The following ZNF469 variants were observed in gnomAD, a reference collection of about 807,000 sequenced individuals.
The protein encoded by ZNF469 is zinc finger protein 469.
A neutral mutation model predicts 1.0 loss-of-function variants in ZNF469; 1 was observed. That is an observed-to-expected ratio of 1.00 (90% CI 0.35 to 4.73). The LOEUF is 4.73. ZNF469 is among the 30% of genes most tolerant of loss of function. ZNF469 has a pLI of 0.16. For synonymous variants in ZNF469, 2,703 were observed against 2,363.4 expected, an observed-to-expected ratio of 1.14 and a Z score of -4.17; for missense variants, 6,100 against 5,356.3, an observed-to-expected ratio of 1.14 and a Z score of -4.33.
In ZNF469 at chr16:88,424,898, A is replaced by G. The variant is rs1402293142; in HGVS notation, c.-127+27A>G. Among the ~76,000 whole-genome samples the G allele has an allele frequency of 1.4e-4, 21 of 152,080 alleles. No homozygotes were observed. The highest frequency in any genetic ancestry group is 3.1e-4 in the Non-Finnish European group (21 of 67,994). Reference sequence around the variant, plus strand: ...TATGTACAGGCAGCAGCCTGCACCGAGGCTGGCCACAGATGCTCTGGTCTT... The same window carrying G: ...TATGTACAGGCAGCAGCCTGCACCGGGGCTGGCCACAGATGCTCTGGTCTT... On this transcript the variant is annotated intron_variant, in intron 2 of 2. Coordinates refer to ENST00000565624, the MANE Select transcript of ZNF469 (RefSeq NM_001367624.2). The surrounding 1 kb of genome is among the most constrained non-coding windows in gnomAD (Gnocchi z 4.3).
chr16:88,185,436 A>C, the ZNF469 span, among the ~76,000 whole-genome samples: 1 of 152,052 alleles, frequency 6.6e-6, no homozygotes, highest in African/African-American at 2.4e-5. Flanking sequence ...ATAGAAACAC[A>C]TGCATACACA....
rs754381335 is a variant in ZNF469 at position 88,439,102 on chromosome 16, C to T, written c.11632C>T (p.Arg3878Trp). ...ACCCAGGCCGCCACCATCAGAGCAGCGGAAGGCAGAGCCGGGCCACACACA... is the reference window on the plus strand; with the variant it reads ...ACCCAGGCCGCCACCATCAGAGCAGTGGAAGGCAGAGCCGGGCCACACACA... ...NKPRPPPSEQ[R>W]KAEPGHTQRK... Residue 3878 changes from arginine to tryptophan, a missense_variant, in exon 3 of 3, where the codon CGG becomes TGG. Physicochemically the swap from Arg to Trp is moderately radical, Grantham distance 101. Coordinates refer to ENST00000565624, the MANE Select transcript of ZNF469 (RefSeq NM_001367624.2). The T allele has an allele frequency of 1.7e-5, 27 of 1,550,834 alleles. No individual in the cohort carries two copies. The highest frequency in any genetic ancestry group is 2.4e-5 in the South Asian group (2 of 84,062).
the ZNF469 span, among the ~76,000 whole-genome samples, chr16:88,185,528 C>G: frequency 1.3e-5 from 2 of 149,570 alleles, no homozygotes; most frequent in Non-Finnish European, 3.0e-5. Context: ...TACATGTGAC[C>G]AGACCCACAC....
chr16:88,185,788 G>A, the ZNF469 span, among the ~76,000 whole-genome samples: 2 of 136,316 alleles, frequency 1.5e-5, no homozygotes, highest in African/African-American at 2.9e-5. Context: ...TCACACATGT[G>A]AATATAGTAC....
chr16:88,404,257 C>T (rs1202468651), intron 1 of ZNF469, among the ~76,000 whole-genome samples: 1 of 152,228 alleles, frequency 6.6e-6, no homozygotes, highest in South Asian at 2.1e-4. Flanking sequence ...CATGCTTATT[C>T]TTGCTGTGCT....
At chr16:88,368,603 G>A in the ZNF469 span, among the ~76,000 whole-genome samples, 13 of 151,940 alleles carry the variant, frequency 8.6e-5, no homozygotes, top group Admixed American at 5.9e-4. Context: ...AGAAAGAGTC[G>A]CCTGGGAGAA....
chr16:88,369,734 T>C, the ZNF469 span, among the ~76,000 whole-genome samples: 1 of 152,150 alleles, frequency 6.6e-6, no homozygotes, highest in African/African-American at 2.4e-5. Flanking sequence ...CAGAGCTAGA[T>C]GGAGAGGAGC....
Position 88,436,626 on chromosome 16 carries a change from G to C in ZNF469, c.9156G>C (p.Lys3052Asn), listed in dbSNP as rs900811705. Residue 3052 changes from lysine to asparagine, a missense_variant, in exon 3 of 3, where the codon AAG (lysine) becomes AAC (asparagine). Transcript: ENST00000565624. ...RATDFEVLST[K>N]FEMQDLCFLG... is the part of the protein sequence containing the mutation. ...CGGACTTTGAGGTGCTCAGCACCAA[G>C]TTTGAGATGCAAGACCTGTGCTTTC... 6.4e-7 allele frequency: 1 copy of C among 1,550,396 alleles called. No homozygotes were observed. The highest frequency in any genetic ancestry group is 1.2e-5 in the South Asian group (1 of 84,068).
chr16:88,166,662 C>G, the ZNF469 span, among the ~76,000 whole-genome samples: 1 of 151,998 alleles, frequency 6.6e-6, no homozygotes, highest in African/African-American at 2.4e-5. The surrounding 1 kb of genome is among the most constrained non-coding windows in gnomAD (Gnocchi z 4.5). Flanking sequence ...GCATTGGAAA[C>G]CGCCCATCGA....
chr16:88,321,005 C>T, the ZNF469 span, among the ~76,000 whole-genome samples: 3 of 152,248 alleles, frequency 2.0e-5, no homozygotes, highest in Non-Finnish European at 2.9e-5. Flanking sequence ...ACCGTGGCTG[C>T]CATCCGAGGC....
chr16:88,204,535 G>A, the ZNF469 span, among the ~76,000 whole-genome samples: 1 of 152,262 alleles, frequency 6.6e-6, no homozygotes, highest in Non-Finnish European at 1.5e-5. Flanking sequence ...GCAGGTAGAG[G>A]AGAGAAAAGA....
chr16:88,430,109 G>C lies in ZNF469; in HGVS notation c.2639G>C (p.Ser880Thr), dbSNP rs1906031362. The C allele has an allele frequency of 1.2e-5, 18 of 1,542,288 alleles. No homozygotes were observed. Among genetic ancestry groups the C allele is most frequent in the Non-Finnish European group, 1.5e-5 (17 of 1,146,920 alleles). ...DEEPSGPRGP[S>T]SGHPLKSKAG... Reference sequence around the variant, plus strand: ...GAGCCTTCCGGCCCCAGAGGTCCCAGCTCCGGACACCCCCTTAAGAGCAAG... The same window carrying C: ...GAGCCTTCCGGCCCCAGAGGTCCCACCTCCGGACACCCCCTTAAGAGCAAG... Residue 880 changes from serine (S) to threonine (T), a missense_variant, in exon 3 of 3, where the codon AGC becomes ACC. Transcript: ENST00000565624.
chr16:88,239,695 ATATATATATATATATATATATTTTT>A, the ZNF469 span, among the ~76,000 whole-genome samples: 61 of 5,722 alleles, frequency 0.011, 6 homozygotes, highest in Non-Finnish European at 0.013. Context: ...ATATATATAT[ATATATATATATATATATATATTTTT>A]TTTTTTTTTT....
At chr16:88,200,898 C>T in the ZNF469 span, among the ~76,000 whole-genome samples, 5 of 152,370 alleles carry the variant, frequency 3.3e-5, no homozygotes, top group East Asian at 1.9e-4. Flanking sequence ...CCCGGCTGCT[C>T]CCGCCACAGG....
At chr16:88,225,908 C>T in the ZNF469 span, among the ~76,000 whole-genome samples, 1,310 of 152,284 alleles carry the variant, frequency 8.6e-3, 25 homozygotes, top group African/African-American at 0.029. Flanking sequence ...ACTAAGACAG[C>T]CTCCCTGACA....
chr16:88,243,053 C>T, the ZNF469 span, among the ~76,000 whole-genome samples: 1 of 152,172 alleles, frequency 6.6e-6, no homozygotes, highest in Non-Finnish European at 1.5e-5. Flanking sequence ...CTGGCCAGCC[C>T]GGGTATTCTG....
the ZNF469 span, among the ~76,000 whole-genome samples, chr16:88,139,662 G>A: frequency 6.6e-6 from 1 of 151,802 alleles, no homozygotes. Flanking sequence ...GGGACGTGAT[G>A]AAGAAAATTG....
At chr16:88,199,181 G>A in the ZNF469 span, among the ~76,000 whole-genome samples, 21 of 152,240 alleles carry the variant, frequency 1.4e-4, no homozygotes, top group Admixed American at 1.2e-3. Flanking sequence ...AGGACCTCAC[G>A]GTCAAGGGCA....
At chr16:88,101,827 C>T in the ZNF469 span, among the ~76,000 whole-genome samples, 1 of 152,138 alleles carries the variant, frequency 6.6e-6, no homozygotes, top group African/African-American at 2.4e-5. Context: ...TCGCAGCTTC[C>T]AAACATAAAC....
Sources: allele counts gnomAD v4.1 joint callset (sites outside exome capture counted in the v4.1 genomes callset), GRCh38; gene constraint gnomAD v4.1.1; non-coding constraint Gnocchi (gnomAD v3.1); transcripts MANE v1.5; gene names NCBI Gene and HGNC (gene_info 2026-07-23, HGNC 2026-07-21).